The following DLGAP2 variants were observed in gnomAD, a reference collection of about 807,000 sequenced individuals.
DLGAP2 encodes DLG associated protein 2.
In DLGAP2, 26 loss-of-function variants were observed where a neutral mutation model predicts 100.3. The observed-to-expected ratio is 0.26, with a 90% confidence interval of 0.19 to 0.36. The LOEUF (loss-of-function observed/expected upper bound fraction) is 0.36. Among genes scored for constraint, DLGAP2 ranks in the 10% least tolerant of loss-of-function variants. DLGAP2 has a pLI of 1.00. For missense variants in DLGAP2, 1,858 were observed against 1,453.2 expected (o/e 1.28, Z -4.53); for synonymous variants, 886 against 630.1 (o/e 1.41, Z -6.08).
chr8:1,242,560 C>A (rs1199087107), intron 2 of DLGAP2, among the ~76,000 whole-genome samples: 1 of 152,238 alleles, frequency 6.6e-6, no homozygotes, highest in Non-Finnish European at 1.5e-5. Context: ...GGAAGCTCCC[C>A]CAGTGCAGAA....
chr8:774,514 T>C (rs1457036203), intron 1 of DLGAP2, among the ~76,000 whole-genome samples: 1 of 151,150 alleles, frequency 6.6e-6, no homozygotes, highest in Non-Finnish European at 1.5e-5. Context: ...CCATCTTGAA[T>C]TGATTTTTGT....
intron 3 of DLGAP2, among the ~76,000 whole-genome samples, chr8:1,356,154 A>G (rs968249742): frequency 3.3e-5 from 5 of 152,262 alleles, no homozygotes; most frequent in African/African-American, 9.6e-5. Flanking sequence ...CAGCCCCTGC[A>G]TGGCTCTTGC....
At chr8:946,133 G>A (rs147487435) in intron 2 of DLGAP2, among the ~76,000 whole-genome samples, 107 of 152,184 alleles carry the variant, frequency 7.0e-4, no homozygotes, top group African/African-American at 2.5e-3. Context: ...GGGAAGCTGC[G>A]CTTGGGCAAA....
intron 3 of DLGAP2, among the ~76,000 whole-genome samples, chr8:1,486,751 G>A (rs1799245104): frequency 6.6e-6 from 1 of 152,194 alleles, no homozygotes. Flanking sequence ...ATTGCTGAAG[G>A]CAAATATACT....
intron 2 of DLGAP2, chr8:1,003,292 G>A (rs1382900444): frequency 6.6e-6 from 1 of 152,216 alleles, no homozygotes; most frequent in Non-Finnish European, 1.5e-5. Flanking sequence ...CCCCGCTATG[G>A]CCTCACTATC....
At chr8:1,621,762 A>G (rs1011155439) in intron 6 of DLGAP2, 3 of 152,078 alleles carry the variant, frequency 2.0e-5, no homozygotes, top group African/African-American at 7.3e-5. Context: ...CTCTGCGGTC[A>G]AGGGTATGGC....
At chr8:860,099 G>A (rs1257008582) in intron 1 of DLGAP2, among the ~76,000 whole-genome samples, 1 of 152,172 alleles carries the variant, frequency 6.6e-6, no homozygotes, top group Non-Finnish European at 1.5e-5. Flanking sequence ...AAATAAGAAG[G>A]ATAAATATTT....
intron 2 of DLGAP2, among the ~76,000 whole-genome samples, chr8:1,049,838 TCA>T (rs1156655331): frequency 6.6e-5 from 10 of 151,942 alleles, no homozygotes; most frequent in African/African-American, 2.2e-4. Flanking sequence ...GCATAGGCAG[TCA>T]CATGTGTGGA....
intron 2 of DLGAP2, among the ~76,000 whole-genome samples, chr8:1,169,922 G>A (rs1422096421): frequency 4.6e-5 from 7 of 152,004 alleles, no homozygotes; most frequent in African/African-American, 1.7e-4. Context: ...ACACTAGGTT[G>A]AATAGGAGTG....
intron 2 of DLGAP2, among the ~76,000 whole-genome samples, chr8:1,156,093 C>T (rs1023658689): frequency 2.6e-5 from 4 of 152,198 alleles, no homozygotes; most frequent in Non-Finnish European, 4.4e-5. Context: ...GCTCTTGGTA[C>T]AGCCGAGCCC....
At chr8:1,046,245 T>C (rs973223238) in intron 2 of DLGAP2, among the ~76,000 whole-genome samples, 2 of 152,234 alleles carry the variant, frequency 1.3e-5, no homozygotes, top group Admixed American at 6.5e-5. Flanking sequence ...ATCTGTAATT[T>C]GGCATAATGA....
At chr8:1,537,728 T>TGGATGGAAGGAAGGAA in intron 4 of DLGAP2, among the ~76,000 whole-genome samples, 1 of 136,664 alleles carries the variant, frequency 7.3e-6, no homozygotes, top group African/African-American at 2.8e-5. Flanking sequence ...GATGAAAGGA[T>TGGATGGAAGGAAGGAA]GGAAGGAAGG....
chr8:1,438,225 G>A (rs188760040), intron 3 of DLGAP2, among the ~76,000 whole-genome samples: 1 of 152,260 alleles, frequency 6.6e-6, no homozygotes, highest in African/African-American at 2.4e-5. Context: ...TTTAAATAGA[G>A]TGTGTCTCAG....
At chr8:1,011,919 T>G (rs1010897863) in intron 2 of DLGAP2, among the ~76,000 whole-genome samples, 1 of 152,184 alleles carries the variant, frequency 6.6e-6, no homozygotes, top group Non-Finnish European at 1.5e-5. Flanking sequence ...CCGAGGATGC[T>G]CTCTTGCCCT....
chr8:1,307,060 G>C (rs956105806), intron 3 of DLGAP2, among the ~76,000 whole-genome samples: 1 of 152,148 alleles, frequency 6.6e-6, no homozygotes. Context: ...ATTAAAGCTT[G>C]TGTGCATTAA....
chr8:819,369 C>T lies in DLGAP2; in HGVS notation c.18+81544C>T, dbSNP rs577763552. Among the ~76,000 whole-genome samples the T allele has an allele frequency of 2.1e-3, 318 of 152,250 alleles. 4 individuals are homozygous for T. The South Asian group carries it at 0.03, about 15-fold the overall frequency. ...TGAAAGAGAAATGGCAGGAAACTTC[C>T]GTGAAACAGGTCAAGATATGATCAG... is the stretch of plus-strand genomic sequence containing the variant. On this transcript the variant is annotated intron_variant, in intron 1 of 14. Coordinates refer to ENST00000637795, the MANE Select transcript of DLGAP2 (RefSeq NM_001346810.2).
chr8:1,419,409 A>G (rs1236367465), intron 3 of DLGAP2, among the ~76,000 whole-genome samples: 5 of 75,594 alleles, frequency 6.6e-5, no homozygotes, highest in African/African-American at 3.0e-4. Context: ...GTAATTGTAC[A>G]TATTTGTGGG....
intron 1 of DLGAP2, among the ~76,000 whole-genome samples, chr8:850,191 C>G (rs940422100): frequency 6.6e-6 from 1 of 151,856 alleles, no homozygotes; most frequent in African/African-American, 2.4e-5. Context: ...TTTGCGTTGT[C>G]TTTTCATTTT....
intron 6 of DLGAP2, among the ~76,000 whole-genome samples, chr8:1,573,569 T>C (rs914977802): frequency 7.9e-5 from 12 of 152,082 alleles, no homozygotes; most frequent in Non-Finnish European, 1.5e-5. Context: ...GCTTAAGTTA[T>C]ATTTAGTCAT....
Sources: allele counts gnomAD v4.1 joint callset (sites outside exome capture counted in the v4.1 genomes callset), GRCh38; gene constraint gnomAD v4.1.1; transcripts MANE v1.5; gene names NCBI Gene and HGNC (gene_info 2026-07-23, HGNC 2026-07-21).